The following RRAS2 variants were observed in gnomAD, a reference collection of about 807,000 sequenced individuals.
RRAS2 encodes RAS related 2, also known as ras-related protein R-Ras2.
Under a neutral mutation model 27.6 loss-of-function variants are expected in RRAS2, and 7 were observed. The ratio of observed to expected loss-of-function variants is 0.25; its 90% CI spans 0.14 to 0.48. RRAS2 has a LOEUF of 0.48. Ranked by LOEUF, RRAS2 falls within the 20% of genes least tolerant of loss-of-function variation. The probability of loss-of-function intolerance (pLI) is 0.99; values close to 1 mark genes in which losing one functional copy is unlikely to be tolerated. For missense variants in RRAS2, 178 were observed against 256.2 expected (o/e 0.69, Z 2.08); for synonymous variants, 86 against 90.9 (o/e 0.95, Z 0.31).
At chr11:14,339,168 C>T (rs1848646575) in intron 1 of RRAS2, among the ~76,000 whole-genome samples, 2 of 150,634 alleles carry the variant, frequency 1.3e-5, no homozygotes, top group Admixed American at 6.7e-5. Flanking sequence ...GGCCCGGGCT[C>T]AGTGGCCCAC....
chr11:14,289,097 C>A (rs533062257), intron 4 of RRAS2, among the ~76,000 whole-genome samples: 1 of 152,270 alleles, frequency 6.6e-6, no homozygotes, highest in African/African-American at 2.4e-5. Context: ...CAGATAACGC[C>A]ACATGTGGTA....
At chr11:14,342,092 T>G (rs1175110473) in intron 1 of RRAS2, 2 of 413,010 alleles carry the variant, frequency 4.8e-6, no homozygotes, top group African/African-American at 4.2e-5. Context: ...CAAGTGTGCT[T>G]TTGGGTGAAA....
intron 1 of RRAS2, among the ~76,000 whole-genome samples, chr11:14,333,827 T>A (rs1029597487): frequency 1.3e-5 from 2 of 151,976 alleles, no homozygotes; most frequent in African/African-American, 4.8e-5. Flanking sequence ...TAGAGACGGG[T>A]TTTCGCCATG....
chr11:14,321,787 G>A (rs1413042785), intron 1 of RRAS2, among the ~76,000 whole-genome samples: 16 of 152,098 alleles, frequency 1.1e-4, no homozygotes, highest in Admixed American at 9.2e-4. Flanking sequence ...GTGAGGTGAA[G>A]ACAACATTTG....
intron 2 of RRAS2, among the ~76,000 whole-genome samples, chr11:14,295,208 T>C (rs1197542228): frequency 6.6e-6 from 1 of 152,188 alleles, no homozygotes; most frequent in Non-Finnish European, 1.5e-5. Context: ...CTGAAAAAGA[T>C]ACCTGTAAAT....
chr11:14,305,837 G>T (rs1847816470), intron 1 of RRAS2, among the ~76,000 whole-genome samples: 1 of 152,022 alleles, frequency 6.6e-6, no homozygotes, highest in Non-Finnish European at 1.5e-5. Flanking sequence ...TTGAGCCCAG[G>T]AATTCGAGAC....
chr11:14,283,658 A>G (rs2133945964), intron 4 of RRAS2, among the ~76,000 whole-genome samples: 1 of 152,198 alleles, frequency 6.6e-6, no homozygotes, highest in Admixed American at 6.5e-5. Flanking sequence ...TTCAAGTAAT[A>G]TGTCCATTTC....
chr11:14,285,361 T>C (rs553420009), intron 4 of RRAS2, among the ~76,000 whole-genome samples: 4 of 152,272 alleles, frequency 2.6e-5, no homozygotes, highest in East Asian at 3.9e-4. Context: ...CCAGTCTGGG[T>C]AACACAGTGA....
Position 14,281,266 on chromosome 11 carries a change from C to T in RRAS2, c.527+336G>A, listed in dbSNP as rs577159487. On this transcript the variant is annotated intron_variant, in intron 5 of 5. Transcript: ENST00000256196. Reference sequence around the variant, plus strand: ...ATAAAACAGTATTTAGTTTATTGGGCGAGGGTGAGGATTACATGTAATAAT... The same window carrying T: ...ATAAAACAGTATTTAGTTTATTGGGTGAGGGTGAGGATTACATGTAATAAT... Among the ~76,000 whole-genome samples the T allele has an allele frequency of 9.2e-5, 14 of 152,178 alleles. No individual in the cohort carries two copies. The South Asian group carries it at 1.2e-3, about 14-fold the overall frequency.
chr11:14,282,731 T>C (rs562243906), intron 4 of RRAS2, among the ~76,000 whole-genome samples: 1 of 152,292 alleles, frequency 6.6e-6, no homozygotes, highest in African/African-American at 2.4e-5. Flanking sequence ...CATTTTTCAA[T>C]GATACATAGT....
chr11:14,350,391 G>T (rs1291211195), intron 1 of RRAS2, among the ~76,000 whole-genome samples: 2 of 152,088 alleles, frequency 1.3e-5, no homozygotes, highest in African/African-American at 4.8e-5. Context: ...GTTAAAAAGA[G>T]CCTGGCGCCT....
At chr11:14,291,499 A>G (rs1554945791) in intron 4 of RRAS2, among the ~76,000 whole-genome samples, 1 of 152,182 alleles carries the variant, frequency 6.6e-6, no homozygotes, top group Admixed American at 6.5e-5. Flanking sequence ...CCTTGGATAT[A>G]TATACATCTA....
chr11:14,282,836 C>T (rs1264514997), intron 4 of RRAS2, among the ~76,000 whole-genome samples: 1 of 152,034 alleles, frequency 6.6e-6, no homozygotes, highest in Non-Finnish European at 1.5e-5. Flanking sequence ...TTGTAAATTC[C>T]ACAGGCATTT....
chr11:14,290,497 G>A (rs1326781687), intron 4 of RRAS2, among the ~76,000 whole-genome samples: 1 of 152,114 alleles, frequency 6.6e-6, no homozygotes, highest in Non-Finnish European at 1.5e-5. Flanking sequence ...TCAATTTCAT[G>A]CTATAGTATC....
At chr11:14,342,167 A>C in intron 1 of RRAS2, 1 of 180,076 alleles carries the variant, frequency 5.6e-6, no homozygotes, top group East Asian at 1.5e-4. Context: ...ACACAGTCAC[A>C]TGACCAAGAA....
At chr11:14,314,399 A>T (rs1017253629) in intron 1 of RRAS2, among the ~76,000 whole-genome samples, 4 of 152,216 alleles carry the variant, frequency 2.6e-5, no homozygotes, top group African/African-American at 9.6e-5. Context: ...CATAATTTAC[A>T]TATCAACCAA....
intron 1 of RRAS2, among the ~76,000 whole-genome samples, chr11:14,351,240 T>G (rs1848943649): frequency 1.3e-5 from 2 of 152,232 alleles, no homozygotes; most frequent in East Asian, 3.9e-4. Flanking sequence ...ATCAATGTCA[T>G]AAAACACAGA....
intron 1 of RRAS2, among the ~76,000 whole-genome samples, chr11:14,338,031 A>G (rs79102801): frequency 2.0e-5 from 3 of 151,592 alleles, no homozygotes; most frequent in African/African-American, 7.3e-5. Context: ...TTGACAGTTC[A>G]AAAAAAAAGT....
chr11:14,303,158 A>G (rs1230384980), intron 1 of RRAS2, among the ~76,000 whole-genome samples: 1 of 152,186 alleles, frequency 6.6e-6, no homozygotes, highest in African/African-American at 2.4e-5. Context: ...AACAGTTTGG[A>G]TTTTTCTCAA....
Sources: gnomAD v4.1 joint callset for allele counts (sites outside exome capture counted in the v4.1 genomes callset) on GRCh38, gnomAD v4.1.1 for gene constraint, MANE v1.5 for transcripts, NCBI Gene and HGNC (gene_info 2026-07-23, HGNC 2026-07-21) for gene names.